PRDM16: variants seen among roughly 807,000 people sequenced by gnomAD.
The protein encoded by PRDM16 is histone-lysine N-methyltransferase PRDM16.
PRDM16 carries 23 observed loss-of-function variants against 110.6 expected under a neutral mutation model. The ratio of observed to expected loss-of-function variants is 0.21; its 90% confidence interval spans 0.15 to 0.29. The LOEUF (loss-of-function observed/expected upper bound fraction) is 0.29. Ranked by LOEUF, PRDM16 falls within the 10% of genes least tolerant of loss-of-function variation. The pLI is 1.00. For synonymous variants in PRDM16, 799 were observed against 781.8 expected, an observed-to-expected ratio of 1.02 and a Z score of -0.37; for missense variants, 1,615 against 1,794.3, an observed-to-expected ratio of 0.90 and a Z score of 1.81.
In PRDM16 at chr1:3,402,805, C is replaced by T. The variant is rs771270937; in HGVS notation, c.691C>T (p.Arg231Cys). 4.3e-5 allele frequency: 70 copies of T among 1,611,872 alleles called. No individual in the cohort carries two copies. Among genetic ancestry groups the T allele is most frequent in the Non-Finnish European group, 5.8e-5 (68 of 1,178,966 alleles). Residue 231 changes from arginine to cysteine, a missense_variant, in exon 6 of 17, where the codon CGC (arginine) becomes TGC (cysteine). Coordinates refer to ENST00000270722, the MANE Select transcript of PRDM16 (RefSeq NM_022114.4). ...CTCTCTTGCAGAGGAGCCCACGTTC[C>T]GCTGTGACGAGTGTGACGAACTCTT... is the stretch of plus-strand genomic sequence containing the variant. ...PPGLDEEPTF[R>C]CDECDELFQS...
intron 1 of PRDM16, among the ~76,000 whole-genome samples, chr1:3,125,058 C>T (rs962063197): frequency 6.6e-6 from 1 of 152,256 alleles, no homozygotes; most frequent in African/African-American, 2.4e-5. Flanking sequence ...AAAACCTGAT[C>T]AGCTGACCCA....
At chr1:3,144,989 C>T (rs12738379) in intron 1 of PRDM16, among the ~76,000 whole-genome samples, 10,304 of 152,210 alleles carry the variant, frequency 0.068, 474 homozygotes, top group East Asian at 0.12. Flanking sequence ...GTCACCTGAG[C>T]GAGAAATGCT....
chr1:3,332,473 G>C (rs1378784620), intron 3 of PRDM16, among the ~76,000 whole-genome samples: 1 of 152,062 alleles, frequency 6.6e-6, no homozygotes, highest in Admixed American at 6.5e-5. Flanking sequence ...CCCTCGGTTC[G>C]GTTTGGTTTA....
intron 1 of PRDM16, among the ~76,000 whole-genome samples, chr1:3,181,289 CACACGCAGTCTT>C (rs1644170441): frequency 8.3e-6 from 1 of 121,104 alleles, no homozygotes; most frequent in Admixed American, 8.4e-5. Flanking sequence ...CATGGTCTTA[CACACGCAGTCTT>C]ACACACGGTC....
At chr1:3,297,174 T>C (rs1641107236) in intron 3 of PRDM16, among the ~76,000 whole-genome samples, 3 of 151,992 alleles carry the variant, frequency 2.0e-5, no homozygotes, top group Admixed American at 2.0e-4. Flanking sequence ...CAGTGGCCCC[T>C]CCAGGTCCCG....
chr1:3,425,222 C>T lies in PRDM16; in HGVS notation c.2940-359C>T, dbSNP rs545632716. On this transcript the variant is annotated intron_variant, in intron 12 of 16. Coordinates refer to ENST00000270722, the MANE Select transcript of PRDM16 (RefSeq NM_022114.4). The surrounding 1 kb of genome is among the most constrained non-coding windows in gnomAD (Gnocchi z 6.9). ...CCTCCAGAGTAGCTGGGACTACAGG[C>T]GCCCACCACCACGACTGGCTGATTT... The T allele has an allele frequency of 1.0e-4, 18 of 180,028 alleles. No individual in the cohort carries two copies. Among genetic ancestry groups the T allele is most frequent in the African/African-American group, 3.1e-4 (13 of 42,296 alleles). The allele number at this position is 180,028 out of a possible 1,614,324, so 11.2% of individuals were successfully genotyped here. A position where few individuals can be genotyped will look rare whatever the true frequency, so the allele number is the denominator to read the frequency against.
chr1:3,177,249 C>A (rs141324271), intron 1 of PRDM16, among the ~76,000 whole-genome samples: 2 of 152,306 alleles, frequency 1.3e-5, no homozygotes, highest in Admixed American at 6.5e-5. Flanking sequence ...AGCTATTTAT[C>A]TCTCCATCCA....
In PRDM16 at chr1:3,166,451, G is replaced by A. The variant is rs114887213; in HGVS notation, c.38-19674G>A. On this transcript the variant is annotated intron_variant, in intron 1 of 16. Coordinates refer to ENST00000270722, the MANE Select transcript of PRDM16 (RefSeq NM_022114.4). ...AGGCGCGTCCGGGCGAGGCTCACAC[G>A]TGCTGCCAGGTGACAAACTGCTTTT... is the stretch of plus-strand genomic sequence containing the variant. Among the ~76,000 whole-genome samples the A allele has an allele frequency of 8.1e-4, 124 of 152,348 alleles. 1 individual carries two copies. Among genetic ancestry groups the A allele is most frequent in the African/African-American group, 2.7e-3 (112 of 41,582 alleles).
intron 3 of PRDM16, among the ~76,000 whole-genome samples, chr1:3,371,704 G>C (rs1409803036): frequency 2.0e-5 from 3 of 152,256 alleles, no homozygotes; most frequent in Non-Finnish European, 4.4e-5. Flanking sequence ...AATTAGAGGA[G>C]AGTGAGCAGG....
intron 3 of PRDM16, among the ~76,000 whole-genome samples, chr1:3,349,319 G>T (rs1642430892): frequency 6.6e-6 from 1 of 152,152 alleles, no homozygotes; most frequent in Non-Finnish European, 1.5e-5. Flanking sequence ...GGCACGCTGT[G>T]AGTGATAAAA....
chr1:3,339,981 C>T lies in PRDM16; in HGVS notation c.439-45171C>T, dbSNP rs1373871452. ...CCATCCCCCGAGCGTGCCTCCTCCT[C>T]TCCCTGGGACCCGCGTGAAATTTCT... On this transcript the variant is annotated intron_variant, in intron 3 of 16. Coordinates refer to ENST00000270722, the MANE Select transcript of PRDM16 (RefSeq NM_022114.4). This position sits in a 1 kb window ranked among gnomAD's most constrained non-coding sequence, Gnocchi z 5.0. Among the ~76,000 whole-genome samples the T allele has an allele frequency of 6.6e-6, 1 of 152,214 alleles. No homozygotes were observed. The highest frequency in any genetic ancestry group is 1.5e-5 in the Non-Finnish European group (1 of 68,038).
rs1050067148 is a variant in PRDM16, at chr1:3,148,213, T to C, written c.38-37912T>C. On this transcript the variant is annotated intron_variant, in intron 1 of 16. Coordinates refer to ENST00000270722, the MANE Select transcript of PRDM16 (RefSeq NM_022114.4). The surrounding 1 kb of genome is among the most constrained non-coding windows in gnomAD (Gnocchi z 5.0). ...AGTGAAGAAGCTGGGTGCAATCTCA[T>C]GCCCTGGGTGCAATCTCATGTCCTG... 6.6e-6 allele frequency among the ~76,000 whole-genome samples: 1 copy of C among 151,968 alleles called. No individual in the cohort carries two copies. The highest frequency in any genetic ancestry group is 6.6e-5 in the Admixed American group (1 of 15,254).
At chr1:3,375,280 C>G (rs527992441) in intron 3 of PRDM16, among the ~76,000 whole-genome samples, 135 of 152,340 alleles carry the variant, frequency 8.9e-4, no homozygotes, top group African/African-American at 3.1e-3. Context: ...ACTGTGTCCA[C>G]CCACCGGCTG....
Position 3,223,542 on chromosome 1 carries a change from G to T in PRDM16, c.388-20545G>T, listed in dbSNP as rs113996751. ...GGAGAAAGACTGGCCATCCAAGTAC[G>T]TGATGGTGAATCTAGAATAACATTG... is the stretch of plus-strand genomic sequence containing the variant. On this transcript the variant is annotated intron_variant, in intron 2 of 16. Coordinates refer to ENST00000270722, the MANE Select transcript of PRDM16 (RefSeq NM_022114.4). 1.9e-3 allele frequency among the ~76,000 whole-genome samples: 290 copies of T among 152,268 alleles called. 2 individuals carry two copies. The highest frequency in any genetic ancestry group is 6.6e-3 in the African/African-American group (273 of 41,560).
At chr1:3,293,270 A>G (rs932415099) in intron 3 of PRDM16, among the ~76,000 whole-genome samples, 1 of 152,240 alleles carries the variant, frequency 6.6e-6, no homozygotes, top group Non-Finnish European at 1.5e-5. Flanking sequence ...CAAGCAGCCC[A>G]GGGGTTCCCT....
chr1:3,113,319 G>A (rs1465324420), intron 1 of PRDM16, among the ~76,000 whole-genome samples: 1 of 152,202 alleles, frequency 6.6e-6, no homozygotes, highest in Non-Finnish European at 1.5e-5. Context: ...GGAGGAGACA[G>A]GACGGCTAGG....
chr1:3,073,816 C>T (rs1022589347), intron 1 of PRDM16, among the ~76,000 whole-genome samples: 1 of 152,122 alleles, frequency 6.6e-6, no homozygotes, highest in Non-Finnish European at 1.5e-5. Flanking sequence ...GGCGCTCTCC[C>T]CTTCTAGAGC....
At chr1:3,340,137 G>A (rs1198422118) in intron 3 of PRDM16, among the ~76,000 whole-genome samples, 1 of 152,140 alleles carries the variant, frequency 6.6e-6, no homozygotes. Flanking sequence ...TATTTCCTTT[G>A]GGTAAAACAC....
At chr1:3,263,598 C>G (rs1000955716) in intron 3 of PRDM16, among the ~76,000 whole-genome samples, 1 of 152,216 alleles carries the variant, frequency 6.6e-6, no homozygotes, top group Non-Finnish European at 1.5e-5. Context: ...GAACTTTCCC[C>G]AAGGCACACG....
Sources: gnomAD v4.1 joint callset for allele counts (sites outside exome capture counted in the v4.1 genomes callset) on GRCh38, gnomAD v4.1.1 for gene constraint, Gnocchi (gnomAD v3.1) non-coding constraint, MANE v1.5 for transcripts, NCBI Gene and HGNC (gene_info 2026-07-23, HGNC 2026-07-21) for gene names.